RBFOX1: variants seen among roughly 807,000 people sequenced by gnomAD.
RBFOX1 encodes the protein RNA binding protein fox-1 homolog 1.
RBFOX1 carries 8 observed loss-of-function variants against 57.7 expected under a neutral mutation model. That is an observed-to-expected ratio of 0.14 (90% CI 0.08 to 0.25). RBFOX1 has a LOEUF of 0.25. RBFOX1 is among the 10% of genes least tolerant of loss of function. The probability of loss-of-function intolerance (pLI) is 1.00; values close to 1 mark genes in which losing one functional copy is unlikely to be tolerated. For synonymous variants in RBFOX1, 326 were observed against 222.4 expected (o/e 1.47, Z -4.15); for missense variants, 611 against 548.5 (o/e 1.11, Z -1.14).
intron 4 of RBFOX1, among the ~76,000 whole-genome samples, chr16:7,282,344 C>G (rs901181734): frequency 1.3e-5 from 2 of 152,208 alleles, no homozygotes; most frequent in African/African-American, 4.8e-5. Context: ...TTGCAAGGCA[C>G]AGGGTCTTAG....
chr16:6,941,387 G>A (rs555169674), intron 3 of RBFOX1, among the ~76,000 whole-genome samples: 11 of 145,204 alleles, frequency 7.6e-5, no homozygotes, highest in East Asian at 2.1e-4. Context: ...TAGATTAGCC[G>A]TGTGGAAACT....
At chr16:7,160,643 C>A (rs1244718364) in intron 4 of RBFOX1, among the ~76,000 whole-genome samples, 1 of 152,100 alleles carries the variant, frequency 6.6e-6, no homozygotes, top group Non-Finnish European at 1.5e-5. Context: ...TTTACACTGT[C>A]CAGTTATGTC....
chr16:6,443,334 C>T (rs758412186), intron 2 of RBFOX1, among the ~76,000 whole-genome samples: 2 of 152,182 alleles, frequency 1.3e-5, no homozygotes, highest in African/African-American at 2.4e-5. Flanking sequence ...AAAGCAAACA[C>T]AAAGTAAACT....
At chr16:7,110,074 G>T (rs575892819) in intron 4 of RBFOX1, among the ~76,000 whole-genome samples, 2 of 151,904 alleles carry the variant, frequency 1.3e-5, no homozygotes, top group South Asian at 2.1e-4. Context: ...AAGAATCTCT[G>T]TGTGGTGGCT....
At chr16:5,379,645 C>G (rs2066080339) in intron 1 of RBFOX1, among the ~76,000 whole-genome samples, 1 of 152,122 alleles carries the variant, frequency 6.6e-6, no homozygotes, top group South Asian at 2.1e-4. Flanking sequence ...CTCCAGCCAC[C>G]AAATCTGAGA....
At chr16:7,167,454 C>G (rs1327776533) in intron 4 of RBFOX1, among the ~76,000 whole-genome samples, 1 of 152,024 alleles carries the variant, frequency 6.6e-6, no homozygotes, top group Non-Finnish European at 1.5e-5. Flanking sequence ...CAAACTAGAG[C>G]TAAGAGTGAT....
In RBFOX1 at chr16:7,017,677, G is replaced by A. The variant is rs140355998; in HGVS notation, c.-15-34380G>A. Among the ~76,000 whole-genome samples, 275 of 152,256 alleles carry A rather than the reference G, an allele frequency of 1.8e-3. 1 individual carries two copies. Among genetic ancestry groups the A allele is most frequent in the African/African-American group, 6.4e-3 (264 of 41,558 alleles). The stretch of plus-strand genomic sequence containing the variant: ...GCTGATACATGCTTGACCTTGGTGA[G>A]GGAAGCTTTTCCTTTTCTAGATGTT... On this transcript the variant is annotated intron_variant, in intron 3 of 15. Transcript: ENST00000550418.
At chr16:7,015,321 T>C in intron 3 of RBFOX1, among the ~76,000 whole-genome samples, 1 of 152,122 alleles carries the variant, frequency 6.6e-6, no homozygotes, top group East Asian at 1.9e-4. Context: ...TTCTAGACTA[T>C]GGAGTAGATC....
intron 2 of RBFOX1, among the ~76,000 whole-genome samples, chr16:6,586,546 A>C (rs558623802): frequency 2.5e-4 from 38 of 152,226 alleles, no homozygotes; most frequent in Non-Finnish European, 4.7e-4. Flanking sequence ...ATCTATGTAT[A>C]TATAGCTGGT....
At chr16:6,859,874 G>A (rs1026197004) in intron 3 of RBFOX1, among the ~76,000 whole-genome samples, 1 of 152,080 alleles carries the variant, frequency 6.6e-6, no homozygotes, top group Non-Finnish European at 1.5e-5. Flanking sequence ...CTTTTCCTTT[G>A]AGTTAGAGGA....
intron 4 of RBFOX1, among the ~76,000 whole-genome samples, chr16:7,348,205 T>A (rs181912191): frequency 5.9e-5 from 9 of 152,278 alleles, no homozygotes; most frequent in Admixed American, 3.9e-4. Flanking sequence ...ACCACATAGA[T>A]ACATAAACCA....
chr16:5,373,382 G>C lies in RBFOX1; in HGVS notation c.220-93834G>C, dbSNP rs573349068. On this transcript the variant is annotated intron_variant, in intron 1 of 2. Transcript: ENST00000585867. ...GTGACTGGATCATGGGATTTCCCTG[G>C]TGGATTTCCCCCTTGCTCTTCTTGT... Among the ~76,000 whole-genome samples, 16 of 152,258 alleles carry C rather than the reference G, an allele frequency of 1.1e-4. No homozygotes were observed. The South Asian group carries it at 3.3e-3, about 32-fold the overall frequency.
chr16:6,438,868 G>C (rs1191267209), intron 2 of RBFOX1, among the ~76,000 whole-genome samples: 1 of 152,068 alleles, frequency 6.6e-6, no homozygotes, highest in Non-Finnish European at 1.5e-5. Context: ...CATTGTGCAT[G>C]GTACTTTGTT....
At chr16:5,866,580 G>C (rs1472564709) in intron 3 of RBFOX1, among the ~76,000 whole-genome samples, 4 of 152,342 alleles carry the variant, frequency 2.6e-5, no homozygotes. Context: ...ACAATGTTGG[G>C]AGGTGTCTAC....
intron 3 of RBFOX1, among the ~76,000 whole-genome samples, chr16:6,889,494 T>C (rs910657041): frequency 6.6e-6 from 1 of 152,198 alleles, no homozygotes; most frequent in Admixed American, 6.5e-5. Context: ...AATAGGCATG[T>C]ATTTTGAGCT....
intron 4 of RBFOX1, among the ~76,000 whole-genome samples, chr16:5,956,784 C>G (rs1433356332): frequency 2.0e-5 from 3 of 149,680 alleles, no homozygotes; most frequent in African/African-American, 7.4e-5. Flanking sequence ...ATCTTTCCAC[C>G]TCAACTTCCT....
intron 2 of RBFOX1, among the ~76,000 whole-genome samples, chr16:6,380,398 A>ATTTTTTTTTTTTTTTT: frequency 2.0e-5 from 1 of 49,160 alleles, no homozygotes; most frequent in African/African-American, 7.7e-5. Flanking sequence ...AATGGTGGGG[A>ATTTTTTTTTTTTTTTT]TTTTTTTTTT....
chr16:6,486,357 A>T (rs2095482172), intron 2 of RBFOX1, among the ~76,000 whole-genome samples: 1 of 152,034 alleles, frequency 6.6e-6, no homozygotes, highest in Non-Finnish European at 1.5e-5. Flanking sequence ...TTTATATTAG[A>T]TTTTGAGCAC....
At chr16:6,824,513 T>G (rs533754554) in intron 3 of RBFOX1, among the ~76,000 whole-genome samples, 1 of 152,314 alleles carries the variant, frequency 6.6e-6, no homozygotes, top group African/African-American at 2.4e-5. Context: ...ATTTCATTTT[T>G]TAAAAATTAA....
Sources: allele counts gnomAD v4.1 joint callset (sites outside exome capture counted in the v4.1 genomes callset), GRCh38; gene constraint gnomAD v4.1.1; transcripts MANE v1.5; gene names NCBI Gene and HGNC (gene_info 2026-07-23, HGNC 2026-07-21).